NCAM1: variants seen among roughly 807,000 people sequenced by gnomAD.
The protein encoded by NCAM1 is neural cell adhesion molecule 1, also known as antigen recognized by monoclonal antibody 5.1H11.
A neutral mutation model predicts 109.8 loss-of-function variants in NCAM1; 14 were observed. The observed-to-expected ratio is 0.13, with a 90% CI of 0.08 to 0.20. The LOEUF is 0.20. Ranked by LOEUF, NCAM1 falls within the 10% of genes least tolerant of loss-of-function variation. NCAM1 has a pLI of 1.00. For synonymous variants in NCAM1, 418 were observed against 442.9 expected (o/e 0.94, Z 0.70); for missense variants, 774 against 1,109.9 (o/e 0.70, Z 4.30).
At position 112,962,991 on chromosome 11, in the gene NCAM1, G is replaced by C. The variant is rs1555063828; in HGVS notation, c.52+1327G>C. ...CGACCCCCGGTTGGGGAGCGCACGG[G>C]GCGGGCCAGGGAGCACCCAGTGCGC... is the stretch of plus-strand genomic sequence containing the variant. On this transcript the variant is annotated intron_variant, in intron 1 of 19. Transcript: ENST00000316851. This position sits in a 1 kb window ranked among gnomAD's most constrained non-coding sequence, Gnocchi z 5.6. Among the ~76,000 whole-genome samples the C allele has an allele frequency of 6.6e-6, 1 of 152,088 alleles. No homozygotes were observed. Among genetic ancestry groups the C allele is most frequent in the Non-Finnish European group, 1.5e-5 (1 of 67,998 alleles).
At chr11:112,979,408 A>G (rs1345847030) in intron 1 of NCAM1, among the ~76,000 whole-genome samples, 2 of 151,800 alleles carry the variant, frequency 1.3e-5, no homozygotes, top group Non-Finnish European at 2.9e-5. Flanking sequence ...TTTATTTGTG[A>G]TTCATAAATT....
chr11:113,087,981 C>T (rs1939165095), intron 1 of NCAM1, among the ~76,000 whole-genome samples: 1 of 152,164 alleles, frequency 6.6e-6, no homozygotes, highest in African/African-American at 2.4e-5. Context: ...TAGTGATTGC[C>T]TTCCAAAGCA....
chr11:113,209,423 C>A (rs1944328733), intron 7 of NCAM1, among the ~76,000 whole-genome samples: 1 of 152,194 alleles, frequency 6.6e-6, no homozygotes, highest in African/African-American at 2.4e-5. Context: ...AAAGTCTTTT[C>A]TTGAATTCAG....
At chr11:113,182,677 AGGGGC>A (rs1321940988) in intron 1 of NCAM1, among the ~76,000 whole-genome samples, 1 of 152,176 alleles carries the variant, frequency 6.6e-6, no homozygotes, top group Non-Finnish European at 1.5e-5. Context: ...CCCCAGAGTT[AGGGGC>A]GGTGCTGTGT....
chr11:112,968,598 C>T (rs190776698), intron 1 of NCAM1, among the ~76,000 whole-genome samples: 24 of 152,232 alleles, frequency 1.6e-4, no homozygotes, highest in Non-Finnish European at 1.9e-4. Context: ...GTGAACTAAA[C>T]GTACATCGTC....
chr11:113,052,851 ACC>A lies in NCAM1; in HGVS notation c.52+91188_52+91189del, dbSNP rs1321520654. 7.9e-5 allele frequency among the ~76,000 whole-genome samples: 12 copies of A among 151,726 alleles called. 1 individual carries two copies. The South Asian group carries it at 2.3e-3, about 29-fold the overall frequency. The stretch of plus-strand genomic sequence containing the variant: ...TTGTCCTGATGCTCTCCCTCCCCTT[ACC>A]ACCCACCCCCCGACAGGGCCCGGTG... On this transcript the variant is annotated intron_variant, in intron 1 of 19. Coordinates refer to ENST00000316851, the MANE Select transcript of NCAM1 (RefSeq NM_181351.5).
intron 1 of NCAM1, among the ~76,000 whole-genome samples, chr11:113,053,032 T>C (rs557421544): frequency 2.0e-5 from 3 of 152,146 alleles, no homozygotes; most frequent in Non-Finnish European, 4.4e-5. Context: ...AAAACTCTTC[T>C]AAAGGCAGAA....
At chr11:113,004,810 T>C (rs1261559835) in intron 1 of NCAM1, among the ~76,000 whole-genome samples, 3 of 143,676 alleles carry the variant, frequency 2.1e-5, no homozygotes, top group African/African-American at 7.6e-5. Flanking sequence ...AATGTTCTTG[T>C]ACTGATTCTT....
rs1945378889 is a variant in NCAM1, at chr11:113,242,984, G to C, written c.1826-3384G>C. 5 of 1,501,780 alleles carry C rather than the reference G, an allele frequency of 3.3e-6. No individual in the cohort carries two copies. The South Asian group carries it at 5.3e-5, about 16-fold the overall frequency. 93.0% of individuals were successfully genotyped at this position (1,501,780 alleles called of 1,614,324 possible). ...TGAATGCATGAAGGCTCCTAGCCTGGTGTGGTTTCCTAAGCATGCCGTCTG... is the reference window on the plus strand; with the variant it reads ...TGAATGCATGAAGGCTCCTAGCCTGCTGTGGTTTCCTAAGCATGCCGTCTG... On this transcript the variant is annotated intron_variant, in intron 14 of 19. Transcript: ENST00000316851.
rs45568634 is a variant in NCAM1 at position 113,231,635 on chromosome 11, C to T, written c.1090-10C>T. On this transcript the variant is annotated splice_polypyrimidine_tract_variant and intron_variant, in intron 9 of 19. Coordinates refer to ENST00000316851, the MANE Select transcript of NCAM1 (RefSeq NM_181351.5). ...CTCTGACATGCTCCCTTCCCCCCCACCCCCGGCAGACTCTGGATGGGCACA... is the reference window on the plus strand; with the variant it reads ...CTCTGACATGCTCCCTTCCCCCCCATCCCCGGCAGACTCTGGATGGGCACA... The T allele has an allele frequency of 6.2e-7, 1 of 1,611,840 alleles. No individual in the cohort carries two copies. The highest frequency in any genetic ancestry group is 8.5e-7 in the Non-Finnish European group (1 of 1,178,816).
chr11:113,242,807 A>G (rs782639622), intron 14 of NCAM1: 12 of 1,613,620 alleles, frequency 7.4e-6, no homozygotes, highest in Non-Finnish European at 1.0e-5. Flanking sequence ...TTCCATAGCA[A>G]CTTGGCCTCT....
At chr11:113,067,593 AT>A (rs1426714085) in intron 1 of NCAM1, among the ~76,000 whole-genome samples, 1 of 152,236 alleles carries the variant, frequency 6.6e-6, no homozygotes, top group African/African-American at 2.4e-5. Flanking sequence ...GTCACCTGGC[AT>A]TTGAGATTGT....
chr11:113,214,264 T>C (rs1555114025), intron 7 of NCAM1, 105 bp from the exon 8 acceptor site: 1 of 1,237,886 alleles, frequency 8.1e-7, no homozygotes, highest in South Asian at 1.5e-5. Context: ...ACTAGGGTCT[T>C]GTACTTAGCA....
chr11:113,179,478 C>T (rs1943265576), intron 1 of NCAM1, among the ~76,000 whole-genome samples: 1 of 152,188 alleles, frequency 6.6e-6, no homozygotes, highest in African/African-American at 2.4e-5. Flanking sequence ...CTCAGCTCAC[C>T]CACTGTGCAG....
At chr11:113,092,327 G>A (rs962381593) in intron 1 of NCAM1, among the ~76,000 whole-genome samples, 2 of 152,160 alleles carry the variant, frequency 1.3e-5, no homozygotes, top group Non-Finnish European at 2.9e-5. Context: ...GAGGACCTGT[G>A]TTTTAACCAC....
intron 1 of NCAM1, among the ~76,000 whole-genome samples, chr11:113,036,943 A>T (rs1555079261): frequency 6.6e-6 from 1 of 151,900 alleles, no homozygotes; most frequent in East Asian, 1.9e-4. Context: ...CATTCATCTC[A>T]GTTCATTTCT....
chr11:113,009,833 G>C (rs2135101778), intron 1 of NCAM1, among the ~76,000 whole-genome samples: 1 of 152,224 alleles, frequency 6.6e-6, no homozygotes, highest in African/African-American at 2.4e-5. Flanking sequence ...CTAGAGCAAT[G>C]CTTATGTTTT....
intron 1 of NCAM1, among the ~76,000 whole-genome samples, chr11:112,993,147 A>G (rs1379071737): frequency 6.6e-6 from 1 of 152,234 alleles, no homozygotes; most frequent in Non-Finnish European, 1.5e-5. Flanking sequence ...TGGGTAATGT[A>G]TAAGGAAAAG....
At chr11:113,264,430 T>C in intron 17 of NCAM1, 1 of 985,238 alleles carries the variant, frequency 1.0e-6, no homozygotes, top group Non-Finnish European at 1.2e-6. Flanking sequence ...TCAGGCAGGG[T>C]AGTGCCTCTC....
Sources: allele counts gnomAD v4.1 joint callset (sites outside exome capture counted in the v4.1 genomes callset), GRCh38; gene constraint gnomAD v4.1.1; non-coding constraint Gnocchi (gnomAD v3.1); transcripts MANE v1.5; gene names NCBI Gene and HGNC (gene_info 2026-07-23, HGNC 2026-07-21).